The following DNAJC1 variants were observed in gnomAD, a reference collection of about 807,000 sequenced individuals.
The protein encoded by DNAJC1 is dnaJ homolog subfamily C member 1.
In DNAJC1, 58 loss-of-function variants were observed where a neutral mutation model predicts 76.6. That is an observed-to-expected ratio of 0.76 (90% confidence interval 0.61 to 0.94). The LOEUF is 0.94. Ranked by LOEUF, DNAJC1 falls within the 40% of genes least tolerant of loss-of-function variation. DNAJC1 has a pLI of 0.00. For missense variants in DNAJC1, 689 were observed against 677.3 expected, an observed-to-expected ratio of 1.02 and a Z score of -0.19; for synonymous variants, 258 against 267.9, an observed-to-expected ratio of 0.96 and a Z score of 0.36.
At chr10:21,940,212 G>A (rs1285564246) in intron 1 of DNAJC1, among the ~76,000 whole-genome samples, 2 of 151,814 alleles carry the variant, frequency 1.3e-5, no homozygotes, top group Non-Finnish European at 2.9e-5. Flanking sequence ...AATTTTCCAG[G>A]GCAAATAAAA....
intron 1 of DNAJC1, among the ~76,000 whole-genome samples, chr10:21,981,511 A>G (rs924469203): frequency 2.0e-5 from 3 of 152,214 alleles, no homozygotes; most frequent in African/African-American, 7.2e-5. Flanking sequence ...AAACAATTAC[A>G]AAATAACAGT....
chr10:21,768,409 G>C (rs1265789737), intron 9 of DNAJC1, among the ~76,000 whole-genome samples: 1 of 152,168 alleles, frequency 6.6e-6, no homozygotes, highest in Non-Finnish European at 1.5e-5. Context: ...CCACCTCTCA[G>C]CTGGGTAACA....
intron 8 of DNAJC1, among the ~76,000 whole-genome samples, chr10:21,852,061 TAAAAAATAA>T (rs1236851529): frequency 8.3e-6 from 1 of 120,738 alleles, no homozygotes; most frequent in Non-Finnish European, 1.8e-5. Flanking sequence ...TCAAAAAAAA[TAAAAAATAA>T]AAAAAATAAA....
chr10:21,899,817 A>T (rs1836617642), intron 7 of DNAJC1, among the ~76,000 whole-genome samples: 1 of 152,184 alleles, frequency 6.6e-6, no homozygotes, highest in Non-Finnish European at 1.5e-5. Context: ...ATTCTCCAAA[A>T]CTGGCAGGCT....
intron 3 of DNAJC1, among the ~76,000 whole-genome samples, chr10:21,928,253 G>A (rs773398385): frequency 1.4e-4 from 22 of 152,124 alleles, no homozygotes; most frequent in Admixed American, 2.6e-4. Flanking sequence ...GTTAAAAGTC[G>A]TATTAAGGAA....
chr10:21,915,379 A>C (rs952281069), intron 6 of DNAJC1, among the ~76,000 whole-genome samples: 3 of 152,180 alleles, frequency 2.0e-5, no homozygotes, highest in African/African-American at 7.2e-5. Context: ...TGGGAAGGAA[A>C]GAAATTAAAC....
At chr10:21,901,084 T>A (rs1295050365) in intron 7 of DNAJC1, among the ~76,000 whole-genome samples, 2 of 152,190 alleles carry the variant, frequency 1.3e-5, no homozygotes, top group East Asian at 3.8e-4. Context: ...GCACCCTTAC[T>A]TCAGTCCCTT....
chr10:21,852,333 A>G (rs1372246474), intron 8 of DNAJC1, among the ~76,000 whole-genome samples: 1 of 152,108 alleles, frequency 6.6e-6, no homozygotes, highest in Non-Finnish European at 1.5e-5. Context: ...GGGCAATGAG[A>G]AGCAATTGCT....
At chr10:21,972,310 A>AT (rs1837993607) in intron 1 of DNAJC1, among the ~76,000 whole-genome samples, 1 of 152,014 alleles carries the variant, frequency 6.6e-6, no homozygotes, top group Non-Finnish European at 1.5e-5. Context: ...CACAGACCAT[A>AT]TTTTGAGTAG....
chr10:21,948,574 T>C (rs1837543914), intron 1 of DNAJC1, among the ~76,000 whole-genome samples: 1 of 152,218 alleles, frequency 6.6e-6, no homozygotes, highest in African/African-American at 2.4e-5. Flanking sequence ...TCTGAAAATA[T>C]TAAGACATTT....
intron 1 of DNAJC1, among the ~76,000 whole-genome samples, chr10:21,964,125 G>A (rs7096530): frequency 0.098 from 14,977 of 152,062 alleles, 1,820 homozygotes; most frequent in African/African-American, 0.29. Flanking sequence ...GAAAAGACAT[G>A]GTATATTTCT....
At chr10:21,903,353 C>A (rs1184863628) in intron 7 of DNAJC1, among the ~76,000 whole-genome samples, 1 of 152,328 alleles carries the variant, frequency 6.6e-6, no homozygotes, top group Admixed American at 6.5e-5. Flanking sequence ...CATTTGCACA[C>A]TCCTACTTTT....
chr10:21,891,437 A>G lies in DNAJC1; in HGVS notation c.821-8998T>C, dbSNP rs1371027461. Reference sequence around the variant, plus strand: ...GAAAAGAATCAGTGAATCTGAGGATAGAAAAACATAAAGTGCCCAATCTGA... The same window carrying G: ...GAAAAGAATCAGTGAATCTGAGGATGGAAAAACATAAAGTGCCCAATCTGA... On this transcript the variant is annotated intron_variant, in intron 7 of 11. Transcript: ENST00000376980. Among the ~76,000 whole-genome samples the G allele has an allele frequency of 2.0e-5, 3 of 150,366 alleles. No homozygotes were observed. The East Asian group carries it at 5.9e-4, about 29-fold the overall frequency.
At chr10:21,767,064 T>G (rs1158084726) in intron 9 of DNAJC1, among the ~76,000 whole-genome samples, 1 of 152,076 alleles carries the variant, frequency 6.6e-6, no homozygotes, top group Non-Finnish European at 1.5e-5. Flanking sequence ...CTTTCTTCAC[T>G]GGAGAATATT....
chr10:21,813,243 T>TATATAC (rs1326133473), intron 8 of DNAJC1, among the ~76,000 whole-genome samples: 3 of 130,918 alleles, frequency 2.3e-5, no homozygotes, highest in Admixed American at 7.8e-5. Context: ...TATATATATA[T>TATATAC]ACACATACAG....
intron 9 of DNAJC1, 61 bp downstream of exon 9, chr10:21,805,919 T>C (rs1834877344): frequency 6.2e-7 from 1 of 1,600,500 alleles, no homozygotes; most frequent in Admixed American, 1.7e-5. Flanking sequence ...ATGTCTGCCT[T>C]CTACATAGCT....
intron 1 of DNAJC1, among the ~76,000 whole-genome samples, chr10:21,950,624 C>A (rs574660570): frequency 8.5e-5 from 13 of 152,306 alleles, no homozygotes; most frequent in Middle Eastern, 3.4e-3. Context: ...AAAGCCAGGA[C>A]AGGCCAACAG....
In DNAJC1 at chr10:21,928,572, T is replaced by G. The variant is rs767540313; in HGVS notation, c.325-20A>C. The stretch of plus-strand genomic sequence containing the variant: ...CACCAACTAAAATAAAAGCATTACT[T>G]TAAAATAAAAATACTCTCAACTATA... On this transcript the variant is annotated intron_variant, in intron 2 of 11. Transcript: ENST00000376980. 98 of 1,599,704 alleles carry G rather than the reference T, an allele frequency of 6.1e-5. 1 individual carries two copies. The East Asian group carries it at 2.1e-3, about 34-fold the overall frequency.
intron 8 of DNAJC1, among the ~76,000 whole-genome samples, chr10:21,827,537 T>A (rs886897989): frequency 1.3e-5 from 2 of 152,186 alleles, no homozygotes; most frequent in African/African-American, 4.8e-5. Context: ...TGAGGGAGAA[T>A]CTGTTCCACA....
Sources: allele counts gnomAD v4.1 joint callset (sites outside exome capture counted in the v4.1 genomes callset), GRCh38; gene constraint gnomAD v4.1.1; transcripts MANE v1.5; gene names NCBI Gene and HGNC (gene_info 2026-07-23, HGNC 2026-07-21).